Variants in AGTPBP1 observed in about 807,000 individuals in gnomAD.
The protein encoded by AGTPBP1 is ATP/GTP binding carboxypeptidase 1.
A neutral mutation model predicts 143.9 loss-of-function variants in AGTPBP1; 70 were observed. The ratio of observed to expected loss-of-function variants is 0.49; its 90% CI spans 0.40 to 0.59. The LOEUF (loss-of-function observed/expected upper bound fraction) is 0.59. AGTPBP1 is among the 20% of genes least tolerant of loss of function. The probability of loss-of-function intolerance (pLI) is 0.00; values close to 1 mark genes in which losing one functional copy is unlikely to be tolerated. For missense variants in AGTPBP1, 1,229 were observed against 1,464.5 expected, an observed-to-expected ratio of 0.84 and a Z score of 2.62; for synonymous variants, 463 against 500.2, an observed-to-expected ratio of 0.93 and a Z score of 0.99.
intron 2 of AGTPBP1, among the ~76,000 whole-genome samples, chr9:85,700,949 G>A (rs1459374410): frequency 1.3e-5 from 2 of 151,614 alleles, no homozygotes; most frequent in East Asian, 3.9e-4. Flanking sequence ...ACAGGGTCTT[G>A]TTCTGTCGCC....
At chr9:85,776,606 G>C in the AGTPBP1 span, among the ~76,000 whole-genome samples, 1 of 152,194 alleles carries the variant, frequency 6.6e-6, no homozygotes, top group East Asian at 1.9e-4. Context: ...GTAGTAGACT[G>C]ATTTCATCTT....
At chr9:85,604,004 C>T (rs1418794905) in intron 17 of AGTPBP1, among the ~76,000 whole-genome samples, 1 of 152,238 alleles carries the variant, frequency 6.6e-6, no homozygotes. Context: ...ACATTCCCGA[C>T]TCTAGGCCCT....
chr9:85,615,311 C>T (rs1050056005), intron 17 of AGTPBP1, among the ~76,000 whole-genome samples: 11 of 152,024 alleles, frequency 7.2e-5, no homozygotes, highest in African/African-American at 2.7e-4. Context: ...TTGAGAAATC[C>T]AACTTCTAGG....
At chr9:85,693,118 T>C (rs117218425) in intron 2 of AGTPBP1, among the ~76,000 whole-genome samples, 69 of 152,284 alleles carry the variant, frequency 4.5e-4, no homozygotes, top group Admixed American at 8.5e-4. Flanking sequence ...AAAGACTTTT[T>C]ACACTTACTC....
the AGTPBP1 span, among the ~76,000 whole-genome samples, chr9:85,757,687 A>G: frequency 2.6e-5 from 4 of 151,918 alleles, no homozygotes; most frequent in East Asian, 7.7e-4. Flanking sequence ...GGAATGCTTT[A>G]GATGTTTTCC....
At chr9:85,720,591 A>AT (rs1315161281) in intron 1 of AGTPBP1, among the ~76,000 whole-genome samples, 1 of 148,452 alleles carries the variant, frequency 6.7e-6, no homozygotes, top group Admixed American at 6.7e-5. Flanking sequence ...TATTTTGTTG[A>AT]TTTTTTTCAA....
intron 19 of AGTPBP1, among the ~76,000 whole-genome samples, chr9:85,590,912 A>G (rs143597491): frequency 1.3e-5 from 2 of 152,174 alleles, no homozygotes; most frequent in Admixed American, 6.6e-5. Context: ...CCAAAAGCAT[A>G]GTATACATAC....
At chr9:85,549,859 T>A (rs1400414374) in intron 25 of AGTPBP1, among the ~76,000 whole-genome samples, 1 of 152,238 alleles carries the variant, frequency 6.6e-6, no homozygotes, top group Non-Finnish European at 1.5e-5. Context: ...ATTTATCATG[T>A]TGACTATGAG....
upstream of AGTPBP1, among the ~76,000 whole-genome samples, chr9:85,742,231 A>C (rs894427254): frequency 6.6e-6 from 1 of 151,880 alleles, no homozygotes; most frequent in African/African-American, 2.4e-5. Context: ...GGTCCCTTGT[A>C]CCCAGCAGCC....
At chr9:85,620,943 C>CA (rs1830894838) in intron 15 of AGTPBP1, among the ~76,000 whole-genome samples, 1 of 152,162 alleles carries the variant, frequency 6.6e-6, no homozygotes, top group Admixed American at 6.5e-5. Context: ...ACCTTTACCT[C>CA]AAGCCCATTA....
At chr9:85,623,362 C>T (rs986294961) in intron 14 of AGTPBP1, among the ~76,000 whole-genome samples, 1 of 151,968 alleles carries the variant, frequency 6.6e-6, no homozygotes, top group African/African-American at 2.4e-5. Flanking sequence ...TGTTTGTATA[C>T]CTCTAACACT....
intron 2 of AGTPBP1, among the ~76,000 whole-genome samples, chr9:85,706,129 C>T (rs944412827): frequency 3.3e-5 from 5 of 150,418 alleles, no homozygotes; most frequent in East Asian, 2.0e-4. Flanking sequence ...GCTACGCCAA[C>T]GAGAAGATGA....
intron 8 of AGTPBP1, among the ~76,000 whole-genome samples, chr9:85,667,215 C>T (rs1337153346): frequency 6.6e-6 from 1 of 152,062 alleles, no homozygotes; most frequent in Non-Finnish European, 1.5e-5. Flanking sequence ...ATAATTCTTA[C>T]ACAGCTGTAA....
chr9:85,722,812 T>C (rs1036941898), intron 1 of AGTPBP1, among the ~76,000 whole-genome samples: 5 of 152,238 alleles, frequency 3.3e-5, no homozygotes, highest in African/African-American at 9.6e-5. Flanking sequence ...TTTGTGGTTT[T>C]ATCCACCTTT....
intron 14 of AGTPBP1, among the ~76,000 whole-genome samples, chr9:85,631,020 A>T (rs1831641815): frequency 6.6e-6 from 1 of 152,166 alleles, no homozygotes; most frequent in Admixed American, 6.5e-5. Flanking sequence ...CACTGTGTAA[A>T]AACAACCCTA....
At chr9:85,770,208 T>A in the AGTPBP1 span, 1 of 955,306 alleles carries the variant, frequency 1.0e-6, no homozygotes, top group Non-Finnish European at 1.6e-6. Context: ...CTCAAATAGT[T>A]TAGTAGTATC....
the AGTPBP1 span, chr9:85,786,203 A>G: frequency 6.3e-7 from 1 of 1,594,512 alleles, no homozygotes; most frequent in East Asian, 2.2e-5. Context: ...AGTGGAAGAG[A>G]AAGAGAAATG....
intron 2 of AGTPBP1, among the ~76,000 whole-genome samples, chr9:85,710,672 A>G (rs1256120668): frequency 6.6e-6 from 1 of 150,724 alleles, no homozygotes; most frequent in East Asian, 1.9e-4. Context: ...CAAATTAGTT[A>G]CCCTACAACA....
chr9:85,636,954 A>G (rs1832097239), intron 13 of AGTPBP1, among the ~76,000 whole-genome samples: 1 of 152,196 alleles, frequency 6.6e-6, no homozygotes, highest in Non-Finnish European at 1.5e-5. Context: ...TTATAAAATA[A>G]AAACATACAC....
Sources: allele counts gnomAD v4.1 joint callset (sites outside exome capture counted in the v4.1 genomes callset), GRCh38; gene constraint gnomAD v4.1.1; transcripts MANE v1.5; gene names NCBI Gene and HGNC (gene_info 2026-07-23, HGNC 2026-07-21).